Variants in NOTCH1 observed in about 807,000 individuals in gnomAD.
NOTCH1 encodes neurogenic locus notch homolog protein 1.
NOTCH1 carries 37 observed loss-of-function variants against 254.8 expected under a neutral mutation model. The observed-to-expected ratio is 0.15, with a 90% CI of 0.11 to 0.19. The LOEUF (loss-of-function observed/expected upper bound fraction) is 0.19, where lower values mean the gene tolerates loss of function less well. Ranked by LOEUF, NOTCH1 falls within the 10% of genes least tolerant of loss-of-function variation. The pLI is 1.00. For synonymous variants in NOTCH1, 1,731 were observed against 1,618.1 expected, an observed-to-expected ratio of 1.07 and a Z score of -1.68; for missense variants, 2,972 against 3,708.6, an observed-to-expected ratio of 0.80 and a Z score of 5.16.
Position 136,505,647 on chromosome 9 carries a change from G to A in NOTCH1, c.4249C>T (p.Pro1417Ser), listed in dbSNP as rs1481418937. 2 of 1,612,070 alleles carry A rather than the reference G, an allele frequency of 1.2e-6. No homozygotes were observed. The highest frequency in any genetic ancestry group is 2.2e-5 in the East Asian group (1 of 44,860). Residue 1417 changes from proline (P) to serine (S), a missense_variant, in exon 25 of 34, where the codon CCC becomes TCC. Physicochemically the swap from Pro to Ser is moderately conservative, Grantham distance 74. Transcript: ENST00000651671. ...CACAAGAGCCCGTTGAATTTGGCGG[G>A]GCACAGGCAACGGTAGAAGGGGCTC... Reference protein sequence around the residue: ...SESPFYRCLCPAKFNGLLCHI... With the variant: ...SESPFYRCLCSAKFNGLLCHI...
chr9:136,542,355 C>T (rs890304598), intron 2 of NOTCH1, among the ~76,000 whole-genome samples: 11 of 152,036 alleles, frequency 7.2e-5, no homozygotes, highest in Admixed American at 2.0e-4. Flanking sequence ...AGCGCAGTGG[C>T]GGGGAAGGGG....
chr9:136,528,396 G>GCT (rs1843503702), intron 2 of NOTCH1, among the ~76,000 whole-genome samples: 1 of 128,798 alleles, frequency 7.8e-6, no homozygotes, highest in Admixed American at 7.4e-5. Flanking sequence ...GGACAGTGGG[G>GCT]GGGGATGGGC....
rs375529655 is a variant in NOTCH1, at chr9:136,513,541, C to A, written c.2208-4G>T. 1 of 1,612,880 alleles carries A rather than the reference C, an allele frequency of 6.2e-7. No individual in the cohort carries two copies. The highest frequency in any genetic ancestry group is 1.3e-5 in the African/African-American group (1 of 75,056). On this transcript the variant is annotated splice_polypyrimidine_tract_variant and splice_region_variant and intron_variant, in intron 13 of 33. Coordinates refer to ENST00000651671, the MANE Select transcript of NOTCH1 (RefSeq NM_017617.5). This position sits in a 1 kb window ranked among gnomAD's most constrained non-coding sequence, Gnocchi z 4.7. ...AGGGTCACAGTCGCACTTGTACCTG[C>A]AAGGGGGACCACACTGCAGGTCGAG...
chr9:136,508,917 A>T lies in NOTCH1; in HGVS notation c.3124T>A (p.Ser1042Thr), dbSNP rs2133348710. ...HGGTCQDGCG[S>T]YRCTCPQGYT... Reference sequence around the variant, plus strand: ...CCCTGGGGGCAGGTGCACCTGTAGGAGCCGCAGCCGTCCTGACAGGTGCCG... The same window carrying T: ...CCCTGGGGGCAGGTGCACCTGTAGGTGCCGCAGCCGTCCTGACAGGTGCCG... Residue 1042 changes from serine (S) to threonine (T), a missense_variant, in exon 19 of 34, where the codon TCC becomes ACC. Coordinates refer to ENST00000651671, the MANE Select transcript of NOTCH1 (RefSeq NM_017617.5). 1.9e-6 allele frequency: 3 copies of T among 1,548,844 alleles called. No individual in the cohort carries two copies. Among genetic ancestry groups the T allele is most frequent in the Non-Finnish European group, 2.6e-6 (3 of 1,147,024 alleles).
rs761586260 is a variant in NOTCH1 at position 136,506,840 on chromosome 9, G to A, written c.3777C>T (p.Phe1259=). 12 of 1,612,034 alleles carry A rather than the reference G, an allele frequency of 7.4e-6. No homozygotes were observed. The highest frequency in any genetic ancestry group is 5.3e-5 in the African/African-American group (4 of 74,886). ...CATCCCCCTCACAGCGCTCACCCACGAAGCCCGGCGGGCAGGTGCAGCTGT... is the reference window on the plus strand; with the variant it reads ...CATCCCCCTCACAGCGCTCACCCACAAAGCCCGGCGGGCAGGTGCAGCTGT... ...GGYSCTCPPG[F]VGERCEGDVN... is the part of the protein sequence containing the mutation. The change falls in exon 23 of 34, where the codon TTC becomes TTT. Residue 1259 remains phenylalanine, a synonymous_variant. Coordinates refer to ENST00000651671, the MANE Select transcript of NOTCH1 (RefSeq NM_017617.5). The surrounding 1 kb of genome is among the most constrained non-coding windows in gnomAD (Gnocchi z 4.5).
At chr9:136,533,537 T>G (rs1236820722) in intron 2 of NOTCH1, among the ~76,000 whole-genome samples, 2 of 152,166 alleles carry the variant, frequency 1.3e-5, no homozygotes, top group Non-Finnish European at 2.9e-5. Flanking sequence ...CCTTCCCAGA[T>G]AGTCTCTGTG....
chr9:136,501,571 C>G (rs879469394), intron 30 of NOTCH1, among the ~76,000 whole-genome samples, 177 bp downstream of exon 30: 2 of 152,008 alleles, frequency 1.3e-5, no homozygotes, highest in Non-Finnish European at 2.9e-5. Context: ...GGTGGAAGAA[C>G]AGGAGGACTC....
Position 136,497,785 on chromosome 9 carries a change from G to C in NOTCH1, c.6181-227C>G, listed in dbSNP as rs570730843. On this transcript the variant is annotated intron_variant, in intron 33 of 33. Coordinates refer to ENST00000651671, the MANE Select transcript of NOTCH1 (RefSeq NM_017617.5). ...TGAAACCCACCCAGAGAGGGGATCT[G>C]TGCAGTCCTCTACCCTAGATCAGCG... Among the ~76,000 whole-genome samples the C allele has an allele frequency of 3.5e-4, 54 of 152,294 alleles. No individual in the cohort carries two copies. The South Asian group carries it at 0.01, about 29-fold the overall frequency.
chr9:136,534,653 G>A (rs1430993380), intron 2 of NOTCH1, among the ~76,000 whole-genome samples: 1 of 152,066 alleles, frequency 6.6e-6, no homozygotes, highest in African/African-American at 2.4e-5. Flanking sequence ...TGGGGGTTGG[G>A]TCCGGGCAGC....
rs746813873 is a variant in NOTCH1, at chr9:136,506,696, C to T, written c.3901+20G>A. The T allele has an allele frequency of 5.4e-5, 86 of 1,595,416 alleles. No homozygotes were observed. Among genetic ancestry groups the T allele is most frequent in the East Asian group, 5.2e-4 (23 of 43,960 alleles). ...ACCCTGCTGCCCCACACGCCCCACC[C>T]GCCTGGGCGCGGCACCCACCGGTGT... On this transcript the variant is annotated intron_variant, in intron 23 of 33. Coordinates refer to ENST00000651671, the MANE Select transcript of NOTCH1 (RefSeq NM_017617.5). The surrounding 1 kb of genome is among the most constrained non-coding windows in gnomAD (Gnocchi z 4.5).
chr9:136,504,650 C>A (rs1179155378), intron 26 of NOTCH1, 23 bp downstream of exon 26: 1 of 1,489,596 alleles, frequency 6.7e-7, no homozygotes, highest in Non-Finnish European at 9.0e-7. Context: ...GGGGATTGAC[C>A]GTGGGCGCCG....
At chr9:136,541,877 A>G (rs1040254979) in intron 2 of NOTCH1, among the ~76,000 whole-genome samples, 12 of 152,182 alleles carry the variant, frequency 7.9e-5, no homozygotes, top group Admixed American at 2.0e-4. Flanking sequence ...GGTGTGCACA[A>G]TGGGGTCTCT....
intron 12 of NOTCH1, among the ~76,000 whole-genome samples, chr9:136,514,933 G>A (rs1358098699): frequency 1.3e-5 from 2 of 152,112 alleles, no homozygotes; most frequent in Non-Finnish European, 2.9e-5. Context: ...CTGCAGCCCT[G>A]ACTGATGAGA....
intron 18 of NOTCH1, 151 bp downstream of exon 18, chr9:136,509,582 G>A (rs559524927): frequency 2.6e-5 from 19 of 730,140 alleles, no homozygotes; most frequent in African/African-American, 1.0e-4. Context: ...GGGACAGGTC[G>A]GTACAATGAA....
chr9:136,543,417 G>A, intron 2 of NOTCH1: 1 of 253,906 alleles, frequency 3.9e-6, no homozygotes. Flanking sequence ...GCACCCAGAG[G>A]AGGCATCACC....
chr9:136,513,049 GTA>G lies in NOTCH1; in HGVS notation c.2437_2438del (p.Tyr813GlnfsTer14). On this transcript the variant is annotated frameshift_variant, in exon 15 of 34. Transcript: ENST00000651671. LOFTEE classifies it high-confidence loss of function. The surrounding 1 kb of genome is among the most constrained non-coding windows in gnomAD (Gnocchi z 4.7). ...QGTCIDDVAGYKCNCLLPYTG... is the reference protein window; with the variant it reads ...QGTCIDDVAGXKCNCLLPYTG... ...TGTAGGGCAGCAGGCAGTTGCACTT[GTA>G]CCCGGCAACGTCGTCAATACACGTG... is the stretch of plus-strand genomic sequence containing the variant. The G allele has an allele frequency of 6.7e-7, 1 of 1,495,422 alleles. No individual in the cohort carries two copies. The highest frequency in any genetic ancestry group is 9.0e-7 in the Non-Finnish European group (1 of 1,108,988). 92.6% of individuals were successfully genotyped at this position (1,495,422 alleles called of 1,614,324 possible).
chr9:136,524,645 T>C lies in NOTCH1; in HGVS notation c.141-666A>G, dbSNP rs1272103636. Reference sequence around the variant, plus strand: ...AAGCCTTTCTTTTTCTTTTCTTTTTTTTTTTTTTTTTTTTTTGAGTCTTGC... The same window carrying C: ...AAGCCTTTCTTTTTCTTTTCTTTTTCTTTTTTTTTTTTTTTTGAGTCTTGC... On this transcript the variant is annotated intron_variant, in intron 2 of 33. Transcript: ENST00000651671. Among the ~76,000 whole-genome samples, 20 of 145,992 alleles carry C rather than the reference T, an allele frequency of 1.4e-4. No individual in the cohort carries two copies. In the Middle Eastern group the frequency reaches 0.014, roughly 100 times the overall value.
At chr9:136,498,327 G>A (rs1210480867) in intron 33 of NOTCH1, among the ~76,000 whole-genome samples, 2 of 151,846 alleles carry the variant, frequency 1.3e-5, no homozygotes, top group Admixed American at 1.3e-4. Context: ...CAGCTGCAGG[G>A]CCAGGAGCTG....
chr9:136,518,938 C>A, intron 5 of NOTCH1, 114 bp from the exon 6 acceptor site: 1 of 817,416 alleles, frequency 1.2e-6, no homozygotes, highest in East Asian at 2.6e-5. Context: ...TGGGCTGACT[C>A]CTCCACCCAC....
Sources: gnomAD v4.1 joint callset for allele counts (sites outside exome capture counted in the v4.1 genomes callset) on GRCh38, gnomAD v4.1.1 for gene constraint, Gnocchi (gnomAD v3.1) non-coding constraint, MANE v1.5 for transcripts, NCBI Gene and HGNC (gene_info 2026-07-23, HGNC 2026-07-21) for gene names.